Variants in AKR1B1 observed in about 807,000 individuals in gnomAD.
AKR1B1 encodes the protein aldo-keto reductase family 1 member B1.
In AKR1B1, 22 loss-of-function variants were observed where a neutral mutation model predicts 40.4. The ratio of observed to expected loss-of-function variants is 0.54; its 90% CI spans 0.39 to 0.78. The LOEUF (loss-of-function observed/expected upper bound fraction) is 0.78, where lower values mean the gene tolerates loss of function less well. Among genes scored for constraint, AKR1B1 ranks in the 30% least tolerant of loss-of-function variants. The probability of loss-of-function intolerance (pLI) is 0.00; values close to 1 mark genes in which losing one functional copy is unlikely to be tolerated. For synonymous variants in AKR1B1, 157 were observed against 149.9 expected, an observed-to-expected ratio of 1.05 and a Z score of -0.35; for missense variants, 357 against 396.7, an observed-to-expected ratio of 0.90 and a Z score of 0.85.
At chr7:134,457,678 TCCAAC>T (rs1436990272) in intron 1 of AKR1B1, among the ~76,000 whole-genome samples, 2 of 152,174 alleles carry the variant, frequency 1.3e-5, no homozygotes, top group African/African-American at 2.4e-5. Context: ...TGTGTAAATA[TCCAAC>T]GCCCAGGCCC....
chr7:134,451,062 C>A, intron 2 of AKR1B1, 160 bp from the exon 3 acceptor site: 1 of 702,914 alleles, frequency 1.4e-6, no homozygotes, highest in Non-Finnish European at 2.6e-6. Context: ...CCTAACTTTC[C>A]AAAGGCAGGC....
chr7:134,458,540 G>T (rs1277854443), intron 1 of AKR1B1, among the ~76,000 whole-genome samples: 1 of 152,168 alleles, frequency 6.6e-6, no homozygotes, highest in Non-Finnish European at 1.5e-5. Context: ...CGGGCTACAG[G>T]TGCCTCGAGG....
At chr7:134,445,205 TG>T (rs759217112) in intron 9 of AKR1B1, 32 bp downstream of exon 9, 42 of 1,580,486 alleles carry the variant, frequency 2.7e-5, no homozygotes, top group Non-Finnish European at 3.1e-5. Context: ...GAATATCTCC[TG>T]GGAACTGCTC....
At chr7:134,458,616 G>A (rs918448581) in intron 1 of AKR1B1, among the ~76,000 whole-genome samples, 1 of 152,162 alleles carries the variant, frequency 6.6e-6, no homozygotes, top group Admixed American at 6.5e-5. Flanking sequence ...TGCGCCCGAG[G>A]TCCACCGGTC....
upstream of AKR1B1, chr7:134,459,109 C>T (rs1481117242): frequency 3.8e-6 from 6 of 1,572,412 alleles, no homozygotes; most frequent in South Asian, 2.3e-5. Context: ...GCGGCCTTGG[C>T]CGCGGCGCGT....
rs552110301 is a variant in AKR1B1 at position 134,443,727 on chromosome 7, G to A, written c.909-957C>T. On this transcript the variant is annotated intron_variant, in intron 9 of 9. Coordinates refer to ENST00000285930, the MANE Select transcript of AKR1B1 (RefSeq NM_001628.4). Reference sequence around the variant, plus strand: ...GCTGGGCAGCTCACGCAAGGCCAGAGTTATGTAATCTGAGCTGGGTGCTTA... The same window carrying A: ...GCTGGGCAGCTCACGCAAGGCCAGAATTATGTAATCTGAGCTGGGTGCTTA... Among the ~76,000 whole-genome samples the A allele has an allele frequency of 8.7e-4, 132 of 152,188 alleles. 1 individual carries two copies. The highest frequency in any genetic ancestry group is 5.4e-3 in the South Asian group (26 of 4,828).
At position 134,451,732 on chromosome 7, in the gene AKR1B1, C is replaced by T. The variant is rs1806294747; in HGVS notation, c.88G>A (p.Glu30Lys). Residue 30 changes from glutamate to lysine, a missense_variant, in exon 2 of 10, where the codon GAG becomes AAG. Glu to Lys is a moderately conservative substitution (Grantham distance 56). Coordinates refer to ENST00000285930, the MANE Select transcript of AKR1B1 (RefSeq NM_001628.4). Reference sequence around the variant, plus strand: ...ACGTCAATGGCCACCTTCACGGCCTCAGTCACCTGCCCTGGAGGGGACTGA... The same window carrying T: ...ACGTCAATGGCCACCTTCACGGCCTTAGTCACCTGCCCTGGAGGGGACTGA... ...TWKSPPGQVT[E>K]AVKVAIDVGY... is the part of the protein sequence containing the mutation. The T allele has an allele frequency of 1.9e-6, 3 of 1,614,044 alleles. No individual in the cohort carries two copies. In the Admixed American group the frequency reaches 5.0e-5, roughly 27 times the overall value.
In AKR1B1 at chr7:134,451,574, G is replaced by T. The variant is rs571615210; in HGVS notation, c.234+12C>A. On this transcript the variant is annotated intron_variant, in intron 2 of 9. Transcript: ENST00000285930. ...ACCGAGAGCCCCTTCCAGCCCCACC[G>T]CGGAACGATACCTTGCTGACGATGA... The T allele has an allele frequency of 1.9e-6, 3 of 1,613,338 alleles. No homozygotes were observed. The Admixed American group carries it at 5.0e-5, about 27-fold the overall frequency.
intron 4 of AKR1B1, 147 bp downstream of exon 4, chr7:134,449,573 G>A: frequency 4.2e-6 from 3 of 714,414 alleles, no homozygotes; most frequent in South Asian, 3.3e-5. Flanking sequence ...GGCAACAGAG[G>A]GAGACCCCAA....
chr7:134,457,193 G>C (rs1169158226), intron 1 of AKR1B1, among the ~76,000 whole-genome samples: 2 of 151,948 alleles, frequency 1.3e-5, no homozygotes, highest in African/African-American at 2.4e-5. Flanking sequence ...ATTTTCAAAT[G>C]ATGGGTCACA....
At chr7:134,453,856 C>T (rs758002542) in intron 1 of AKR1B1, among the ~76,000 whole-genome samples, 2 of 152,134 alleles carry the variant, frequency 1.3e-5, no homozygotes, top group Admixed American at 1.3e-4. Flanking sequence ...TACAGCCCTT[C>T]CCTGAGAGAA....
At chr7:134,445,804 T>C (rs1341291822) in intron 8 of AKR1B1, among the ~76,000 whole-genome samples, 1 of 152,322 alleles carries the variant, frequency 6.6e-6, no homozygotes, top group East Asian at 1.9e-4. Flanking sequence ...GAGGAGATGG[T>C]ATTTGACATG....
At chr7:134,447,761 T>C in intron 7 of AKR1B1, 1 of 650,198 alleles carries the variant, frequency 1.5e-6, no homozygotes, top group Non-Finnish European at 2.8e-6. Flanking sequence ...CTCGTGGCAG[T>C]CACCCTTGCA....
At chr7:134,447,614 C>T (rs906432473) in intron 7 of AKR1B1, 1 of 636,150 alleles carries the variant, frequency 1.6e-6, no homozygotes, top group Non-Finnish European at 2.8e-6. Context: ...GTGTCTCAGG[C>T]ATATCATGAG....
intron 4 of AKR1B1, 108 bp from the exon 5 acceptor site, chr7:134,449,227 G>A: frequency 6.8e-7 from 1 of 1,464,800 alleles, no homozygotes; most frequent in Non-Finnish European, 9.5e-7. Flanking sequence ...TTCAGTGCCA[G>A]TGAATTAGAC....
rs1266567897 is a variant in AKR1B1, at chr7:134,454,878, A to G, written c.67-3125T>C. ...GTTCTGTTTTAATCAATTTGTCCCA[A>G]ATTCTAAGACACTGCTGTTTCCAAC... On this transcript the variant is annotated intron_variant, in intron 1 of 9. Coordinates refer to ENST00000285930, the MANE Select transcript of AKR1B1 (RefSeq NM_001628.4). Among the ~76,000 whole-genome samples, 5 of 152,326 alleles carry G rather than the reference A, an allele frequency of 3.3e-5. No individual in the cohort carries two copies. The East Asian group carries it at 9.6e-4, about 29-fold the overall frequency.
intron 9 of AKR1B1, among the ~76,000 whole-genome samples, chr7:134,443,965 G>T (rs886584975): frequency 6.6e-6 from 1 of 152,136 alleles, no homozygotes; most frequent in Admixed American, 6.5e-5. Flanking sequence ...TCGAACAGAA[G>T]TTTCTAGCAC....
intron 1 of AKR1B1, among the ~76,000 whole-genome samples, chr7:134,456,040 A>G (rs1806459667): frequency 6.6e-6 from 1 of 152,162 alleles, no homozygotes; most frequent in Non-Finnish European, 1.5e-5. Flanking sequence ...AGGGTCTGAA[A>G]GGTACAACAC....
At position 134,442,621 on chromosome 7, in the gene AKR1B1, T is replaced by C. The variant is rs1035232595; in HGVS notation, c.*107A>G. On this transcript the variant is annotated 3_prime_UTR_variant, in exon 10 of 10. Transcript: ENST00000285930. ...CGCCCTCGCTGGCCACTCTACAGGT[T>C]GCTGTCCCACTGCTGAGTGACACAG... 3 of 1,092,066 alleles carry C rather than the reference T, an allele frequency of 2.7e-6. No homozygotes were observed. The highest frequency in any genetic ancestry group is 4.2e-6 in the Non-Finnish European group (3 of 721,670). 67.6% of individuals were successfully genotyped at this position (1,092,066 alleles called of 1,614,324 possible). A position where few individuals can be genotyped will look rare whatever the true frequency, so the allele number is the denominator to read the frequency against.
Sources: gnomAD v4.1 joint callset for allele counts (sites outside exome capture counted in the v4.1 genomes callset) on GRCh38, gnomAD v4.1.1 for gene constraint, MANE v1.5 for transcripts, NCBI Gene and HGNC (gene_info 2026-07-23, HGNC 2026-07-21) for gene names.